MYO10: variants seen among roughly 807,000 people sequenced by gnomAD.
MYO10 encodes the protein unconventional myosin-X.
In MYO10, 133 loss-of-function variants were observed where a neutral mutation model predicts 257.3. The ratio of observed to expected loss-of-function variants is 0.52; its 90% CI spans 0.45 to 0.60. The LOEUF (loss-of-function observed/expected upper bound fraction) is 0.60. Among genes scored for constraint, MYO10 ranks in the 20% least tolerant of loss-of-function variants. The probability of loss-of-function intolerance (pLI) is 0.00; values close to 1 mark genes in which losing one functional copy is unlikely to be tolerated. For synonymous variants in MYO10, 1,104 were observed against 1,028.6 expected, an observed-to-expected ratio of 1.07 and a Z score of -1.40; for missense variants, 2,399 against 2,635.7, an observed-to-expected ratio of 0.91 and a Z score of 1.97.
rs1464858191 is a variant in MYO10, at chr5:16,701,454, T to G, written c.2941A>C (p.Asn981His). Reference sequence around the variant, plus strand: ...GGGTAGGGCTGGCTGAAGTTGAAGTTGGGCTTCTCCTCGCATGCGCTCTCA... The same window carrying G: ...GGGTAGGGCTGGCTGAAGTTGAAGTGGGGCTTCTCCTCGCATGCGCTCTCA... ...LAESACEEKPNFNFSQPYPEE... is the reference protein window; with the variant it reads ...LAESACEEKPHFNFSQPYPEE... Residue 981 changes from asparagine (N) to histidine (H), a missense_variant, in exon 25 of 41, where the codon AAC (asparagine) becomes CAC (histidine). By Grantham distance (68) the Asn-to-His change is moderately conservative. Transcript: ENST00000513610. The surrounding 1 kb of genome is among the most constrained non-coding windows in gnomAD (Gnocchi z 8.1). 2 of 1,613,992 alleles carry G rather than the reference T, an allele frequency of 1.2e-6. No homozygotes were observed. The highest frequency in any genetic ancestry group is 1.7e-5 in the Admixed American group (1 of 60,034).
At chr5:16,789,926 T>C (rs1741703660) in intron 4 of MYO10, among the ~76,000 whole-genome samples, 1 of 152,172 alleles carries the variant, frequency 6.6e-6, no homozygotes, top group African/African-American at 2.4e-5. Flanking sequence ...AAAATGCCTC[T>C]TGGGCCCCTC....
rs544671886 is a variant in MYO10, at chr5:16,666,482, CTG to C, written c.*208_*209del. 17 of 491,836 alleles carry C rather than the reference CTG, an allele frequency of 3.5e-5. No individual in the cohort carries two copies. Among genetic ancestry groups the C allele is most frequent in the Admixed American group, 1.1e-4 (3 of 27,066 alleles). The allele number at this position is 491,836 out of a possible 1,614,324, so 30.5% of individuals were successfully genotyped here. A position where few individuals can be genotyped will look rare whatever the true frequency, so the allele number is the denominator to read the frequency against. ...TCTAAGAGTAGTAAAGCTTTGGAAA[CTG>C]TGCAGACTGTTAAAGTTGACAGCTT... On this transcript the variant is annotated 3_prime_UTR_variant, in exon 41 of 41. Coordinates refer to ENST00000513610, the MANE Select transcript of MYO10 (RefSeq NM_012334.3).
At chr5:16,911,053 C>A (rs1441034246) in intron 1 of MYO10, among the ~76,000 whole-genome samples, 2 of 152,162 alleles carry the variant, frequency 1.3e-5, no homozygotes, top group African/African-American at 4.8e-5. Flanking sequence ...CCTGCATGAT[C>A]CATAAAGAAT....
rs1303582531 is a variant in MYO10, at chr5:16,718,322, G to T, written c.1930-7077C>A. ...GCGCCCAGTCCCATCGACCACCTAAGGGCTAAGGAATGCGAGCGCACGGCG... is the reference window on the plus strand; with the variant it reads ...GCGCCCAGTCCCATCGACCACCTAATGGCTAAGGAATGCGAGCGCACGGCG... On this transcript the variant is annotated intron_variant, in intron 19 of 40. Coordinates refer to ENST00000513610, the MANE Select transcript of MYO10 (RefSeq NM_012334.3). Among the ~76,000 whole-genome samples, 4 of 152,244 alleles carry T rather than the reference G, an allele frequency of 2.6e-5. No individual in the cohort carries two copies. In the South Asian group the frequency reaches 6.2e-4, roughly 24 times the overall value.
intron 2 of MYO10, 127 bp downstream of exon 2, chr5:16,877,482 G>T: frequency 1.5e-6 from 1 of 674,424 alleles, no homozygotes. Flanking sequence ...CTGGGATTTT[G>T]AATTATCACT....
intron 33 of MYO10, among the ~76,000 whole-genome samples, chr5:16,677,351 C>T (rs1736774212): frequency 6.7e-6 from 1 of 150,244 alleles, no homozygotes; most frequent in Non-Finnish European, 1.5e-5. Context: ...ATTATATTTA[C>T]TCTTTTAATG....
At chr5:16,757,301 AACACACACACACACGC>A (rs1245912216) in intron 18 of MYO10, among the ~76,000 whole-genome samples, 34 of 84,346 alleles carry the variant, frequency 4.0e-4, no homozygotes, top group African/African-American at 1.5e-3. Context: ...CACACACACA[AACACACACACACACGC>A]ACACACACAC....
intron 2 of MYO10, among the ~76,000 whole-genome samples, chr5:16,822,857 T>C (rs1215847771): frequency 2.0e-5 from 3 of 151,798 alleles, no homozygotes; most frequent in Admixed American, 2.0e-4. Flanking sequence ...CCGGCTAATT[T>C]TTTGTATTTT....
rs1000384678 is a variant in MYO10, at chr5:16,692,454, A to G, written c.3800+1917T>C. 2.0e-5 allele frequency among the ~76,000 whole-genome samples: 3 copies of G among 152,170 alleles called. No homozygotes were observed. In the East Asian group the frequency reaches 5.8e-4, roughly 29 times the overall value. On this transcript the variant is annotated intron_variant, in intron 27 of 40. Transcript: ENST00000513610. ...AAAATAAAAATAAAAAAATAAGGCC[A>G]CTGCAGAAATCTGAACAATGACTGG... is the stretch of plus-strand genomic sequence containing the variant.
intron 1 of MYO10, among the ~76,000 whole-genome samples, chr5:16,904,146 T>C (rs1297124454): frequency 6.6e-6 from 1 of 152,112 alleles, no homozygotes; most frequent in African/African-American, 2.4e-5. Flanking sequence ...ATAAAGCTTC[T>C]ATAAAAACCC....
chr5:16,757,219 GTT>G (rs1424037334), intron 18 of MYO10, among the ~76,000 whole-genome samples: 4 of 150,424 alleles, frequency 2.7e-5, no homozygotes, highest in African/African-American at 9.8e-5. Flanking sequence ...GCGCCTGGGA[GTT>G]TGAGGCTGCA....
In MYO10 at chr5:16,762,115, TAAAAAAAAAAAAAAAAA is replaced by T. The variant is rs746751894; in HGVS notation, c.1588-19_1588-3del. The T allele has an allele frequency of 6.2e-5, 35 of 566,708 alleles. No individual in the cohort carries two copies. The highest frequency in any genetic ancestry group is 7.7e-5 in the Non-Finnish European group (31 of 400,156). The allele number at this position is 566,708 out of a possible 1,614,324, so 35.1% of individuals were successfully genotyped here. A position where few individuals can be genotyped will look rare whatever the true frequency, so the allele number is the denominator to read the frequency against. On this transcript the variant is annotated splice_polypyrimidine_tract_variant and splice_region_variant and intron_variant, in intron 15 of 40. Transcript: ENST00000513610. ...GGGCTTCACATAAAAGTGGTTATTC[TAAAAAAAAAAAAAAAAA>T]AAAAAAAAAAAATACAATGCCTTAT...
intron 19 of MYO10, among the ~76,000 whole-genome samples, chr5:16,743,358 C>T (rs57779153): frequency 6.6e-6 from 1 of 151,948 alleles, no homozygotes; most frequent in Admixed American, 6.6e-5. Context: ...AAACTTCATT[C>T]TCAGCTGGAC....
chr5:16,697,235 C>G (rs1737787802), intron 26 of MYO10, among the ~76,000 whole-genome samples: 1 of 151,934 alleles, frequency 6.6e-6, no homozygotes, highest in Non-Finnish European at 1.5e-5. Flanking sequence ...GTCACTAGAC[C>G]CATGTTTTCT....
intron 1 of MYO10, among the ~76,000 whole-genome samples, chr5:16,929,142 T>C (rs249136): frequency 0.82 from 123,947 of 151,216 alleles, 51,186 homozygotes; most frequent in East Asian, 0.96. Flanking sequence ...TTAGTAGAGA[T>C]GGGGGTTTCA....
chr5:16,679,250 TAGA>T (rs1479498436), intron 33 of MYO10, among the ~76,000 whole-genome samples: 1 of 152,096 alleles, frequency 6.6e-6, no homozygotes, highest in East Asian at 1.9e-4. Flanking sequence ...CGGTTACTCC[TAGA>T]AGGTCTCCAA....
intron 39 of MYO10, among the ~76,000 whole-genome samples, chr5:16,670,056 T>C (rs1312093588): frequency 6.6e-6 from 1 of 152,004 alleles, no homozygotes; most frequent in African/African-American, 2.4e-5. Context: ...CAATAAGCGG[T>C]CTACTTAAAA....
At chr5:16,693,906 T>C (rs1737618010) in intron 27 of MYO10, among the ~76,000 whole-genome samples, 1 of 152,214 alleles carries the variant, frequency 6.6e-6, no homozygotes, top group African/African-American at 2.4e-5. Context: ...GGAATGGGGA[T>C]GGCTAGTATA....
intron 2 of MYO10, among the ~76,000 whole-genome samples, chr5:16,823,468 ATTT>A (rs1173952251): frequency 1.6e-4 from 1 of 6,448 alleles, no homozygotes; most frequent in Non-Finnish European, 2.8e-4. Flanking sequence ...GGGAGTGGGG[ATTT>A]TTTTTTTTTT....
Sources: gnomAD v4.1 joint callset for allele counts (sites outside exome capture counted in the v4.1 genomes callset) on GRCh38, gnomAD v4.1.1 for gene constraint, Gnocchi (gnomAD v3.1) non-coding constraint, MANE v1.5 for transcripts, NCBI Gene and HGNC (gene_info 2026-07-23, HGNC 2026-07-21) for gene names.